Variants in ZBTB7C observed in about 807,000 individuals in gnomAD.
ZBTB7C encodes zinc finger and BTB domain containing 7C, also known as zinc finger and BTB domain-containing protein 7C.
ZBTB7C carries 8 observed loss-of-function variants against 25.7 expected under a neutral mutation model. The ratio of observed to expected loss-of-function variants is 0.31; its 90% confidence interval spans 0.18 to 0.56. The LOEUF is 0.56. Ranked by LOEUF, ZBTB7C falls within the 20% of genes least tolerant of loss-of-function variation. The pLI, the probability that ZBTB7C is intolerant of heterozygous loss-of-function variation, is 0.91. For missense variants in ZBTB7C, 824 were observed against 855.2 expected, an observed-to-expected ratio of 0.96 and a Z score of 0.46; for synonymous variants, 394 against 369.0, an observed-to-expected ratio of 1.07 and a Z score of -0.78.
intron 2 of ZBTB7C, among the ~76,000 whole-genome samples, chr18:48,282,591 C>T (rs1037151210): frequency 8.5e-5 from 13 of 152,074 alleles, no homozygotes; most frequent in Non-Finnish European, 1.8e-4. Context: ...TAGTCCCCAC[C>T]TAGGAATTAT....
chr18:48,113,199 T>C (rs1568228671), intron 3 of ZBTB7C, among the ~76,000 whole-genome samples: 1 of 152,230 alleles, frequency 6.6e-6, no homozygotes, highest in Non-Finnish European at 1.5e-5. Context: ...TGCTGGCCAG[T>C]AGATTCATCC....
chr18:48,351,496 C>A (rs1322321116), intron 1 of ZBTB7C, among the ~76,000 whole-genome samples: 1 of 152,148 alleles, frequency 6.6e-6, no homozygotes, highest in Non-Finnish European at 1.5e-5. Flanking sequence ...AAGTATACCA[C>A]CACTGTCTAA....
chr18:48,249,037 C>T (rs1308464707), intron 2 of ZBTB7C, among the ~76,000 whole-genome samples: 2 of 152,050 alleles, frequency 1.3e-5, no homozygotes, highest in African/African-American at 4.8e-5. Flanking sequence ...TAGTAATCTT[C>T]ACTAGTAAAC....
Position 48,205,935 on chromosome 18 carries a change from T to G in ZBTB7C, c.-78-19940A>C, listed in dbSNP as rs577582319. Reference sequence around the variant, plus strand: ...TGTCCCTTGCCACAATTAAAATGAGTGCTTACCTATTTACTTAGTGGCCAA... The same window carrying G: ...TGTCCCTTGCCACAATTAAAATGAGGGCTTACCTATTTACTTAGTGGCCAA... On this transcript the variant is annotated intron_variant, in intron 2 of 4. Coordinates refer to ENST00000590800, the MANE Select transcript of ZBTB7C (RefSeq NM_001318841.2). Among the ~76,000 whole-genome samples, 14 of 152,228 alleles carry G rather than the reference T, an allele frequency of 9.2e-5. No individual in the cohort carries two copies. The East Asian group carries it at 2.5e-3, about 27-fold the overall frequency.
At chr18:48,064,206 C>T (rs2037234203) in intron 3 of ZBTB7C, among the ~76,000 whole-genome samples, 1 of 152,228 alleles carries the variant, frequency 6.6e-6, no homozygotes, top group African/African-American at 2.4e-5. Flanking sequence ...AGTGTGATGC[C>T]ATCCACCTTG....
intron 1 of ZBTB7C, among the ~76,000 whole-genome samples, chr18:48,401,090 G>C (rs1723859476): frequency 6.6e-6 from 1 of 152,138 alleles, no homozygotes; most frequent in Non-Finnish European, 1.5e-5. Flanking sequence ...AGGGATCCTA[G>C]CACCCCTCAA....
At chr18:48,159,116 T>G (rs2040925308) in intron 3 of ZBTB7C, among the ~76,000 whole-genome samples, 1 of 152,228 alleles carries the variant, frequency 6.6e-6, no homozygotes, top group African/African-American at 2.4e-5. Context: ...TTCTGTGTTT[T>G]CTTTTCCCAA....
intron 2 of ZBTB7C, among the ~76,000 whole-genome samples, chr18:48,318,166 C>T (rs1270310699): frequency 1.3e-5 from 2 of 152,112 alleles, no homozygotes; most frequent in African/African-American, 4.8e-5. Flanking sequence ...CTCTGCCACC[C>T]CCTATTGATG....
intron 3 of ZBTB7C, among the ~76,000 whole-genome samples, chr18:48,059,795 G>A (rs1345673447): frequency 6.6e-6 from 1 of 152,154 alleles, no homozygotes; most frequent in African/African-American, 2.4e-5. Flanking sequence ...GGAGGGAGCT[G>A]TTGCTGCTCC....
chr18:48,267,496 G>A (rs1239602180), intron 2 of ZBTB7C, among the ~76,000 whole-genome samples: 1 of 152,208 alleles, frequency 6.6e-6, no homozygotes, highest in South Asian at 2.1e-4. Flanking sequence ...GGTAACCAAG[G>A]CCAGAGGAAT....
chr18:48,142,912 T>C (rs890027460), intron 3 of ZBTB7C, among the ~76,000 whole-genome samples: 1 of 146,608 alleles, frequency 6.8e-6, no homozygotes, highest in East Asian at 1.9e-4. Flanking sequence ...TTCACAGGTA[T>C]GTACTACCTA....
At chr18:48,412,097 C>T (rs943427787), upstream of ZBTB7C, among the ~76,000 whole-genome samples, 1 of 152,234 alleles carries the variant, frequency 6.6e-6, no homozygotes, top group African/African-American at 2.4e-5. Context: ...TCCCTTTCTA[C>T]TCCATAGAGA....
At position 48,223,323 on chromosome 18, in the gene ZBTB7C, C is replaced by A. The variant is rs184540212; in HGVS notation, c.-78-37328G>T. Among the ~76,000 whole-genome samples the A allele has an allele frequency of 1.4e-4, 22 of 152,186 alleles. 1 individual carries two copies. The East Asian group carries it at 4.1e-3, about 28-fold the overall frequency. On this transcript the variant is annotated intron_variant, in intron 2 of 4. Coordinates refer to ENST00000590800, the MANE Select transcript of ZBTB7C (RefSeq NM_001318841.2). ...ATAGAGGTGAAAATTCCCCCCATAC[C>A]CCTTATTCTAATTGTCATATTCTAG...
chr18:48,088,902 G>A (rs932867563), intron 3 of ZBTB7C, among the ~76,000 whole-genome samples: 4 of 152,018 alleles, frequency 2.6e-5, no homozygotes, highest in Non-Finnish European at 4.4e-5. Flanking sequence ...GGTCAAATTA[G>A]GGAGCTTCCT....
chr18:48,229,301 G>A (rs1254543929), intron 2 of ZBTB7C, among the ~76,000 whole-genome samples: 1 of 152,058 alleles, frequency 6.6e-6, no homozygotes, highest in Admixed American at 6.6e-5. Context: ...TGGTTGTGTG[G>A]TTTCTAATTA....
In ZBTB7C at chr18:48,029,192, G is replaced by A; in HGVS notation, c.*68C>T. 4 of 1,470,018 alleles carry A rather than the reference G, an allele frequency of 2.7e-6. No individual in the cohort carries two copies. Among genetic ancestry groups the A allele is most frequent in the South Asian group, 1.3e-5 (1 of 76,208 alleles). 91.1% of individuals were successfully genotyped at this position (1,470,018 alleles called of 1,614,324 possible). On this transcript the variant is annotated 3_prime_UTR_variant, in exon 5 of 5. Coordinates refer to ENST00000590800, the MANE Select transcript of ZBTB7C (RefSeq NM_001318841.2). ...AAAATGAAAAGTTCAGATCCATGGGGTAGGGTAGAGTGGGCCTGGAGGGAG... is the reference window on the plus strand; with the variant it reads ...AAAATGAAAAGTTCAGATCCATGGGATAGGGTAGAGTGGGCCTGGAGGGAG...
intron 3 of ZBTB7C, among the ~76,000 whole-genome samples, chr18:48,049,847 T>G (rs1278935219): frequency 2.6e-5 from 4 of 151,970 alleles, no homozygotes; most frequent in Admixed American, 2.6e-4. Flanking sequence ...CCTGCTCAGC[T>G]CAGCAAATCT....
At chr18:48,124,614 C>A (rs1346546614) in intron 3 of ZBTB7C, among the ~76,000 whole-genome samples, 1 of 152,116 alleles carries the variant, frequency 6.6e-6, no homozygotes, top group Non-Finnish European at 1.5e-5. Context: ...CTGAACAGTT[C>A]CAGCACCATG....
At chr18:48,275,623 A>C (rs2044622807) in intron 2 of ZBTB7C, among the ~76,000 whole-genome samples, 1 of 152,206 alleles carries the variant, frequency 6.6e-6, no homozygotes, top group African/African-American at 2.4e-5. Context: ...CACTACTTTA[A>C]GTATGCAAAG....
Sources: allele counts gnomAD v4.1 joint callset (sites outside exome capture counted in the v4.1 genomes callset), GRCh38; gene constraint gnomAD v4.1.1; transcripts MANE v1.5; gene names NCBI Gene and HGNC (gene_info 2026-07-23, HGNC 2026-07-21).